EML4: variants seen among roughly 807,000 people sequenced by gnomAD.
The protein encoded by EML4 is echinoderm microtubule-associated protein-like 4.
Under a neutral mutation model 129.0 loss-of-function variants are expected in EML4, and 72 were observed. The ratio of observed to expected loss-of-function variants is 0.56; its 90% CI spans 0.46 to 0.68. The LOEUF (loss-of-function observed/expected upper bound fraction) is 0.68, where lower values mean the gene tolerates loss of function less well. EML4 is among the 30% of genes least tolerant of loss of function. EML4 has a pLI of 0.00. For synonymous variants in EML4, 532 were observed against 405.0 expected (o/e 1.31, Z -3.77); for missense variants, 1,363 against 1,190.6 (o/e 1.14, Z -2.13).
chr2:42,233,009 G>A (rs533841174), intron 1 of EML4, among the ~76,000 whole-genome samples: 7 of 151,960 alleles, frequency 4.6e-5, no homozygotes, highest in African/African-American at 1.2e-4. Context: ...GGTGTGAGCC[G>A]CTGTGCCTGG....
chr2:42,185,277 G>A (rs960675388), intron 1 of EML4, among the ~76,000 whole-genome samples: 3 of 152,046 alleles, frequency 2.0e-5, no homozygotes, highest in African/African-American at 7.2e-5. Flanking sequence ...ATTGTGACAC[G>A]TGAAAATTAT....
intron 1 of EML4, among the ~76,000 whole-genome samples, chr2:42,245,094 C>CTTTCTTTT (rs1336279430): frequency 3.0e-5 from 2 of 66,552 alleles, no homozygotes; most frequent in African/African-American, 1.3e-4. Context: ...AATTTTCTTT[C>CTTTCTTTT]TTTTTTTTTT....
chr2:42,185,162 G>A (rs1340343446), intron 1 of EML4, among the ~76,000 whole-genome samples: 4 of 151,972 alleles, frequency 2.6e-5, no homozygotes, highest in South Asian at 2.1e-4. Flanking sequence ...TAATTTGCTC[G>A]GGATTAGAGG....
chr2:42,241,435 T>C (rs1675025931), intron 1 of EML4, among the ~76,000 whole-genome samples: 1 of 152,156 alleles, frequency 6.6e-6, no homozygotes, highest in Admixed American at 6.5e-5. Context: ...ATTATGATAA[T>C]ATTTATACTG....
chr2:42,256,599 G>A lies in EML4; in HGVS notation c.307G>A (p.Gly103Arg), dbSNP rs762549058. The A allele has an allele frequency of 1.2e-5, 19 of 1,613,498 alleles. No individual in the cohort carries two copies. The Admixed American group carries it at 1.8e-4, about 16-fold the overall frequency. The change falls in exon 3 of 23, where the codon GGA becomes AGA. Residue 103 changes from glycine (G) to arginine (R), a missense_variant. Coordinates refer to ENST00000318522, the MANE Select transcript of EML4 (RefSeq NM_019063.5). Reference protein sequence around the residue: ...PSHTSAVSIAGKETLSSAAKS... With the variant: ...PSHTSAVSIARKETLSSAAKS... ...TCATACCAGTGCTGTCTCAATTGCA[G>A]GAAAAGAAACTCTTTCATCTGCTGC... is the stretch of plus-strand genomic sequence containing the variant.
chr2:42,206,577 A>T (rs1385706786), intron 1 of EML4, among the ~76,000 whole-genome samples: 1 of 152,100 alleles, frequency 6.6e-6, no homozygotes, highest in Non-Finnish European at 1.5e-5. Flanking sequence ...CTGGAACTGA[A>T]CTGTTCGTGA....
chr2:42,264,729 A>T lies in EML4; in HGVS notation c.665A>T (p.Gln222Leu), dbSNP rs2104398308. 6.9e-7 allele frequency: 1 copy of T among 1,451,746 alleles called. No homozygotes were observed. Among genetic ancestry groups the T allele is most frequent in the Admixed American group, 1.9e-5 (1 of 52,402 alleles). 89.9% of individuals were successfully genotyped at this position (1,451,746 alleles called of 1,614,324 possible). The change falls in exon 6 of 23, where the codon CAA becomes CTA. Residue 222 changes from glutamine to leucine, a missense_variant and splice_region_variant. Physicochemically the swap from Gln to Leu is moderately radical, Grantham distance 113 (BLOSUM62 -2). Coordinates refer to ENST00000318522, the MANE Select transcript of EML4 (RefSeq NM_019063.5). ...ADKHKDVIIN[Q>L]EGEYIKMFMR... ...AGGCATAAAGATGTCATCATCAACC[A>T]AGGTAAATTAAAAATCCTTTTAAAA... is the stretch of plus-strand genomic sequence containing the variant.
intron 1 of EML4, among the ~76,000 whole-genome samples, chr2:42,221,048 G>C (rs532620052): frequency 3.2e-4 from 49 of 152,262 alleles, no homozygotes; most frequent in Admixed American, 2.6e-3. Flanking sequence ...GCAAGGTGAA[G>C]CAGCAGGTTC....
intron 6 of EML4, among the ~76,000 whole-genome samples, chr2:42,267,456 C>A (rs1355320096): frequency 2.0e-5 from 3 of 152,032 alleles, no homozygotes; most frequent in Non-Finnish European, 2.9e-5. Flanking sequence ...ATTAATTTAG[C>A]CTCTTTTTGA....
chr2:42,288,605 G>T (rs903849377), intron 11 of EML4: 6 of 187,652 alleles, frequency 3.2e-5, no homozygotes, highest in African/African-American at 1.2e-4. Flanking sequence ...AATTAAGACT[G>T]AACACACTTC....
intron 17 of EML4, among the ~76,000 whole-genome samples, chr2:42,312,792 A>G (rs377726439): frequency 2.0e-5 from 3 of 151,334 alleles, no homozygotes; most frequent in East Asian, 3.9e-4. Flanking sequence ...TGACCTCGTG[A>G]TCCACTCACC....
intron 6 of EML4, among the ~76,000 whole-genome samples, chr2:42,280,103 C>G (rs1444425153): frequency 1.3e-5 from 2 of 151,954 alleles, no homozygotes; most frequent in Non-Finnish European, 2.9e-5. Flanking sequence ...AAAGTTATGC[C>G]GTTTAACATC....
intron 2 of EML4, among the ~76,000 whole-genome samples, chr2:42,248,728 A>T (rs1675573358): frequency 1.3e-5 from 2 of 152,134 alleles, no homozygotes; most frequent in South Asian, 4.1e-4. Flanking sequence ...TTCATAATTA[A>T]CTTTGCTATT....
At chr2:42,242,158 TA>T (rs1044442330) in intron 1 of EML4, among the ~76,000 whole-genome samples, 10 of 152,314 alleles carry the variant, frequency 6.6e-5, no homozygotes, top group Admixed American at 5.9e-4. Context: ...CTTGGCATTA[TA>T]GCCTGATGAT....
intron 6 of EML4, among the ~76,000 whole-genome samples, chr2:42,278,350 G>A (rs1188606730): frequency 6.6e-6 from 1 of 151,966 alleles, no homozygotes; most frequent in Non-Finnish European, 1.5e-5. Flanking sequence ...AGGGGGCGCG[G>A]ATCACTTGAA....
intron 1 of EML4, among the ~76,000 whole-genome samples, chr2:42,189,063 C>T (rs1172279379): frequency 6.6e-6 from 1 of 152,074 alleles, no homozygotes; most frequent in East Asian, 1.9e-4. Flanking sequence ...GATGGGATTT[C>T]ACTTTGTTGC....
At chr2:42,282,481 C>A (rs796106673) in intron 7 of EML4, among the ~76,000 whole-genome samples, 22 of 152,162 alleles carry the variant, frequency 1.4e-4, no homozygotes, top group African/African-American at 5.1e-4. Context: ...CTTGACCTGA[C>A]CTCCTGGGCT....
chr2:42,283,508 A>G (rs1052046783), intron 8 of EML4, among the ~76,000 whole-genome samples: 3 of 152,134 alleles, frequency 2.0e-5, no homozygotes, highest in Non-Finnish European at 4.4e-5. Context: ...TTTATTGTTT[A>G]TTAATATTTT....
In EML4 at chr2:42,329,992, G is replaced by C; in HGVS notation, c.2731G>C (p.Glu911Gln). 6.2e-7 allele frequency: 1 copy of C among 1,613,882 alleles called. No homozygotes were observed. Among genetic ancestry groups the C allele is most frequent in the South Asian group, 1.1e-5 (1 of 91,056 alleles). Reference sequence around the variant, plus strand: ...TTCTCAGCCCTTAAATGAGACAGCTGAAGAGGAAAGTAGAATAAGCAGTTC... The same window carrying C: ...TTCTCAGCCCTTAAATGAGACAGCTCAAGAGGAAAGTAGAATAAGCAGTTC... The part of the protein sequence containing the change: ...PPSQPLNETA[E>Q]EESRISSSPT... The change falls in exon 23 of 23, where the codon GAA (glutamate) becomes CAA (glutamine). Residue 911 changes from glutamate (E) to glutamine (Q), a missense_variant. Glu to Gln is a conservative substitution (Grantham distance 29). Transcript: ENST00000318522.
Sources: allele counts gnomAD v4.1 joint callset (sites outside exome capture counted in the v4.1 genomes callset), GRCh38; gene constraint gnomAD v4.1.1; transcripts MANE v1.5; gene names NCBI Gene and HGNC (gene_info 2026-07-23, HGNC 2026-07-21).